PDCD10: variants seen among roughly 807,000 people sequenced by gnomAD.
The protein encoded by PDCD10 is programmed cell death 10, also known as programmed cell death protein 10.
PDCD10 carries 4 observed loss-of-function variants against 29.2 expected under a neutral mutation model. The ratio of observed to expected loss-of-function variants is 0.14; its 90% CI spans 0.07 to 0.31. The LOEUF (loss-of-function observed/expected upper bound fraction) is 0.31. Among genes scored for constraint, PDCD10 ranks in the 10% least tolerant of loss-of-function variants. The pLI, the probability that PDCD10 is intolerant of heterozygous loss-of-function variation, is 1.00. For missense variants in PDCD10, 183 were observed against 257.9 expected, an observed-to-expected ratio of 0.71 and a Z score of 1.99; for synonymous variants, 70 against 82.2, an observed-to-expected ratio of 0.85 and a Z score of 0.80.
rs369606517 is a variant in PDCD10, at chr3:167,704,893, T to C, written c.99A>G (p.Leu33=). ...GGGCTGCAGACAGATTTACTCGTTCTAGCTGCAATAAAAATTTTAAATTAT... is the reference window on the plus strand; with the variant it reads ...GGGCTGCAGACAGATTTACTCGTTCCAGCTGCAATAAAAATTTTAAATTAT... ...YAVMYPVFNE[L]ERVNLSAAQT... is the part of the protein sequence containing the mutation. Residue 33 remains leucine, a splice_region_variant and synonymous_variant, in exon 4 of 9, where the codon CTA becomes CTG. Coordinates refer to ENST00000392750, the MANE Select transcript of PDCD10 (RefSeq NM_007217.4). The C allele has an allele frequency of 1.9e-6, 3 of 1,601,940 alleles. No homozygotes were observed. Among genetic ancestry groups the C allele is most frequent in the African/African-American group, 1.3e-5 (1 of 74,664 alleles).
At chr3:167,728,822 T>C (rs1031631930) in intron 2 of PDCD10, among the ~76,000 whole-genome samples, 4 of 152,144 alleles carry the variant, frequency 2.6e-5, no homozygotes, top group Non-Finnish European at 5.9e-5. Flanking sequence ...CCCTTGAAGG[T>C]ATGTAGTCTT....
At chr3:167,699,931 AAC>A (rs761690304) in intron 4 of PDCD10, among the ~76,000 whole-genome samples, 1 of 152,302 alleles carries the variant, frequency 6.6e-6, no homozygotes, top group South Asian at 2.1e-4. Flanking sequence ...AAATAATAAA[AAC>A]ACATGTTATG....
intron 4 of PDCD10, among the ~76,000 whole-genome samples, chr3:167,701,243 C>A (rs945813888): frequency 6.6e-6 from 1 of 151,918 alleles, no homozygotes; most frequent in Non-Finnish European, 1.5e-5. Context: ...CTATATATAT[C>A]TATAGAGATA....
At chr3:167,699,161 A>G (rs905283390) in intron 4 of PDCD10, among the ~76,000 whole-genome samples, 6 of 152,164 alleles carry the variant, frequency 3.9e-5, no homozygotes, top group Non-Finnish European at 8.8e-5. Context: ...TTGGTCTTAG[A>G]TTGGACCTTG....
intron 4 of PDCD10, 86 bp downstream of exon 4, chr3:167,704,756 A>G (rs1721799404): frequency 5.2e-6 from 5 of 955,272 alleles, no homozygotes; most frequent in South Asian, 5.2e-5. Flanking sequence ...TTTCCCTTAA[A>G]GAAAATAAAC....
At chr3:167,701,923 G>T (rs1293025393) in intron 4 of PDCD10, among the ~76,000 whole-genome samples, 2 of 152,084 alleles carry the variant, frequency 1.3e-5, no homozygotes, top group Non-Finnish European at 2.9e-5. Flanking sequence ...AGGATGAAAG[G>T]TTTCAAGATA....
At chr3:167,716,774 G>A (rs532968696) in intron 3 of PDCD10, among the ~76,000 whole-genome samples, 2 of 151,998 alleles carry the variant, frequency 1.3e-5, no homozygotes, top group South Asian at 4.2e-4. Context: ...TAATTTATTA[G>A]TAAACAAACA....
chr3:167,692,597 TG>T (rs1720370293), intron 6 of PDCD10, among the ~76,000 whole-genome samples: 1 of 152,220 alleles, frequency 6.6e-6, no homozygotes, highest in Non-Finnish European at 1.5e-5. Flanking sequence ...AAAAGGAAGC[TG>T]GGGCTTTCCC....
Position 167,695,709 on chromosome 3 carries a change from T to C in PDCD10, c.282A>G (p.Glu94=), listed in dbSNP as rs778193194. Residue 94 remains glutamate, a synonymous_variant, in exon 6 of 9, where the codon GAA becomes GAG. Transcript: ENST00000392750. ...AADDVEEYMI[E]RPEPEFQDLN... ...GGTCTTGGAATTCTGGCTCTGGTCG[T>C]TCAATCATATACTCTGATAAAATAA... 1 of 1,613,604 alleles carries C rather than the reference T, an allele frequency of 6.2e-7. No individual in the cohort carries two copies. The highest frequency in any genetic ancestry group is 1.3e-5 in the African/African-American group (1 of 74,922).
chr3:167,721,639 G>A (rs574507196), intron 2 of PDCD10, among the ~76,000 whole-genome samples: 2 of 152,098 alleles, frequency 1.3e-5, no homozygotes. Flanking sequence ...CCACCATATC[G>A]CTACCAGTGA....
At chr3:167,727,945 G>A (rs554576242) in intron 2 of PDCD10, among the ~76,000 whole-genome samples, 17 of 152,322 alleles carry the variant, frequency 1.1e-4, no homozygotes, top group Admixed American at 3.9e-4. Context: ...AGGTGCTAAT[G>A]AGGCCAAGGT....
chr3:167,692,917 CA>C (rs1470904690), intron 6 of PDCD10, among the ~76,000 whole-genome samples: 1 of 152,204 alleles, frequency 6.6e-6, no homozygotes, highest in Non-Finnish European at 1.5e-5. Flanking sequence ...GACTCCGTCT[CA>C]AAAACAAAAC....
intron 5 of PDCD10, among the ~76,000 whole-genome samples, chr3:167,696,058 C>T (rs1347619315): frequency 1.3e-5 from 2 of 151,114 alleles, no homozygotes; most frequent in Non-Finnish European, 2.9e-5. Context: ...CATTACATTT[C>T]CCAAGGAAAC....
Position 167,687,071 on chromosome 3 carries a change from A to G in PDCD10, c.557+163T>C, listed in dbSNP as rs561356368. On this transcript the variant is annotated intron_variant, in intron 8 of 8. Transcript: ENST00000392750. ...TGTTCTAGAAAGGAGTTATGGCTAGATTAGCAACCATTCATTTTCTATTGT... is the reference window on the plus strand; with the variant it reads ...TGTTCTAGAAAGGAGTTATGGCTAGGTTAGCAACCATTCATTTTCTATTGT... 3 of 553,986 alleles carry G rather than the reference A, an allele frequency of 5.4e-6. No individual in the cohort carries two copies. The East Asian group carries it at 9.0e-5, about 17-fold the overall frequency. The allele number at this position is 553,986 out of a possible 1,614,324, so 34.3% of individuals were successfully genotyped here.
chr3:167,728,639 T>C (rs1724469901), intron 2 of PDCD10, among the ~76,000 whole-genome samples: 1 of 152,234 alleles, frequency 6.6e-6, no homozygotes, highest in South Asian at 2.1e-4. Flanking sequence ...TAAATGTCCA[T>C]ACAATGGTCT....
chr3:167,690,894 C>A (rs1035009208), intron 6 of PDCD10, among the ~76,000 whole-genome samples: 6 of 152,182 alleles, frequency 3.9e-5, no homozygotes, highest in Admixed American at 6.5e-5. Flanking sequence ...AATGTTGGAA[C>A]ACAGATTCAA....
intron 6 of PDCD10, among the ~76,000 whole-genome samples, chr3:167,692,991 T>C (rs1157867138): frequency 6.6e-6 from 1 of 152,222 alleles, no homozygotes; most frequent in Non-Finnish European, 1.5e-5. Flanking sequence ...ATTTTGGCTA[T>C]TCAATTAAAA....
chr3:167,700,642 AC>A (rs1408212082), intron 4 of PDCD10, among the ~76,000 whole-genome samples: 3 of 152,166 alleles, frequency 2.0e-5, no homozygotes, highest in African/African-American at 7.2e-5. Context: ...ATACCTATAG[AC>A]CCTAATATGA....
intron 3 of PDCD10, among the ~76,000 whole-genome samples, chr3:167,706,637 C>T (rs1391057280): frequency 6.6e-6 from 1 of 152,182 alleles, no homozygotes; most frequent in East Asian, 1.9e-4. Flanking sequence ...TCTTATGGGA[C>T]AACCATCATA....
Sources: gnomAD v4.1 joint callset for allele counts (sites outside exome capture counted in the v4.1 genomes callset) on GRCh38, gnomAD v4.1.1 for gene constraint, MANE v1.5 for transcripts, NCBI Gene and HGNC (gene_info 2026-07-23, HGNC 2026-07-21) for gene names.